MAP3K6: variants seen among roughly 807,000 people sequenced by gnomAD.
MAP3K6 encodes the protein apoptosis signal-regulating kinase 2.
In MAP3K6, 105 loss-of-function variants were observed where a neutral mutation model predicts 147.1. That is an observed-to-expected ratio of 0.71 (90% CI 0.61 to 0.84). The LOEUF (loss-of-function observed/expected upper bound fraction) is 0.84. Among genes scored for constraint, MAP3K6 ranks in the 40% least tolerant of loss-of-function variants. MAP3K6 has a pLI of 0.00. For missense variants in MAP3K6, 1,569 were observed against 1,715.0 expected (o/e 0.91, Z 1.50); for synonymous variants, 695 against 732.4 (o/e 0.95, Z 0.82).
rs778995925 is a variant in MAP3K6, at chr1:27,362,649, C to T, written c.1247G>A (p.Arg416Gln). The T allele has an allele frequency of 9.5e-6, 15 of 1,586,874 alleles. No individual in the cohort carries two copies. The highest frequency in any genetic ancestry group is 1.7e-4 in the Middle Eastern group (1 of 5,878). ...CCAGGATCTGTGCTCACCTATTAGC[C>T]GGAGCTCTTTGGAATCCTCAAAGTG... is the stretch of plus-strand genomic sequence containing the variant. ...GQHFEDSKEL[R>Q]LIGMKLGCLL... Residue 416 changes from arginine to glutamine, a missense_variant, in exon 8 of 29, where the codon CGG becomes CAG. By Grantham distance (43) the Arg-to-Gln change is conservative. Coordinates refer to ENST00000357582, the MANE Select transcript of MAP3K6 (RefSeq NM_004672.5).
At position 27,364,953 on chromosome 1, in the gene MAP3K6, G is replaced by A; in HGVS notation, c.341-41C>T. 6.5e-7 allele frequency: 1 copy of A among 1,539,016 alleles called. No homozygotes were observed. Among genetic ancestry groups the A allele is most frequent in the Non-Finnish European group, 8.8e-7 (1 of 1,139,542 alleles). ...GGGTGGCGCTGATCCCTGAAGCCCA[G>A]CTTGATGGGGAAGGAGCCGGGGTCC... is the stretch of plus-strand genomic sequence containing the variant. On this transcript the variant is annotated intron_variant, in intron 1 of 28. Transcript: ENST00000357582. This position sits in a 1 kb window ranked among gnomAD's most constrained non-coding sequence, Gnocchi z 4.4.
rs1283209574 is a variant in MAP3K6, at chr1:27,360,802, C to A, written c.1957G>T (p.Val653Leu). 5 of 1,612,930 alleles carry A rather than the reference C, an allele frequency of 3.1e-6. No homozygotes were observed. The highest frequency in any genetic ancestry group is 4.2e-6 in the Non-Finnish European group (5 of 1,179,892). ...YEYTETGERLVLGKGTYGVVY... is the reference protein window; with the variant it reads ...YEYTETGERLLLGKGTYGVVY... ...ACCCCATACGTGCCCTTGCCCAGCA[C>A]CAGCCGCTCGCCCGTCTCCGTGTAC... The change falls in exon 15 of 29, where the codon GTG becomes TTG. Residue 653 changes from valine to leucine, a missense_variant. Physicochemically the swap from Val to Leu is conservative, Grantham distance 32. Transcript: ENST00000357582. This position sits in a 1 kb window ranked among gnomAD's most constrained non-coding sequence, Gnocchi z 4.5.
At chr1:27,358,000 C>A in intron 21 of MAP3K6, 124 bp from the exon 22 acceptor site, 3 of 1,469,430 alleles carry the variant, frequency 2.0e-6, no homozygotes, top group Non-Finnish European at 2.7e-6. Flanking sequence ...CATAGATAAA[C>A]CCCGCACTGA....
At position 27,362,184 on chromosome 1, in the gene MAP3K6, A is replaced by T. The variant is rs367598241; in HGVS notation, c.1322T>A (p.Val441Glu). The change falls in exon 9 of 29, where the codon GTG becomes GAG. Residue 441 changes from valine to glutamate, a missense_variant. Val to Glu is a moderately radical substitution (Grantham distance 121, BLOSUM62 -2). Transcript: ENST00000357582. ...CVEKMQYYWD[V>E]GFYLGAQILA... is the part of the protein sequence containing the mutation. The stretch of plus-strand genomic sequence containing the variant: ...GATCTGGGCTCCCAGGTAGAAACCC[A>T]CATCCCAGTAATACTGCATCTTCTC... 12 of 1,613,636 alleles carry T rather than the reference A, an allele frequency of 7.4e-6. No homozygotes were observed. Among genetic ancestry groups the T allele is most frequent in the Non-Finnish European group, 6.8e-6 (8 of 1,179,978 alleles).
In MAP3K6 at chr1:27,358,232, G is replaced by A. The variant is rs1221663787; in HGVS notation, c.2864C>T (p.Pro955Leu). Reference sequence around the variant, plus strand: ...GAGGCAGCGCTTCGGGGGGCTGGGTGGGTGCTGAGAGGGTGCCTGAGGGCA... The same window carrying A: ...GAGGCAGCGCTTCGGGGGGCTGGGTAGGTGCTGAGAGGGTGCCTGAGGGCA... ...FPCPQAPSQH[P>L]PSPPKRCLSY... The change falls in exon 21 of 29, where the codon CCA (proline) becomes CTA (leucine). Residue 955 changes from proline to leucine, a missense_variant. Transcript: ENST00000357582. This position sits in a 1 kb window ranked among gnomAD's most constrained non-coding sequence, Gnocchi z 6.2. 1 of 1,599,444 alleles carries A rather than the reference G, an allele frequency of 6.3e-7. No individual in the cohort carries two copies. The highest frequency in any genetic ancestry group is 1.1e-5 in the South Asian group (1 of 89,088).
Position 27,357,537 on chromosome 1 carries a change from G to T in MAP3K6, c.3121C>A (p.Arg1041Ser). ...LGRNHVEELL[R>S]CLGAHIHTPN... is the part of the protein sequence containing the mutation. ...GTGTGGATGTGTGCCCCGAGGCAGC[G>T]CAGCAGCTCTTCCACATGGTTTCTG... Residue 1041 changes from arginine to serine, a missense_variant, in exon 23 of 29, where the codon CGC becomes AGC. Physicochemically the swap from Arg to Ser is moderately radical, Grantham distance 110 (BLOSUM62 -1). Coordinates refer to ENST00000357582, the MANE Select transcript of MAP3K6 (RefSeq NM_004672.5). 2 of 1,613,104 alleles carry T rather than the reference G, an allele frequency of 1.2e-6. No homozygotes were observed. Among genetic ancestry groups the T allele is most frequent in the Non-Finnish European group, 8.5e-7 (1 of 1,179,724 alleles).
At chr1:27,363,862 G>T in intron 5 of MAP3K6, 55 bp downstream of exon 5, 1 of 1,473,500 alleles carries the variant, frequency 6.8e-7, no homozygotes, top group East Asian at 2.4e-5. Flanking sequence ...ACTGAACTTG[G>T]GTTTGTCTGA....
chr1:27,360,724 T>C lies in MAP3K6; in HGVS notation c.2035A>G (p.Ile679Val). 1 of 1,612,068 alleles carries C rather than the reference T, an allele frequency of 6.2e-7. No individual in the cohort carries two copies. The highest frequency in any genetic ancestry group is 1.3e-5 in the African/African-American group (1 of 74,970). ...HTRVRIAIKE[I>V]PERDSRFSQP... ...CCGCACCTGCTGTCCCGCTCCGGGA[T>C]CTCCTTGATGGCGATGCGCACCCTC... The change falls in exon 15 of 29, where the codon ATC (isoleucine) becomes GTC (valine). Residue 679 changes from isoleucine (I) to valine (V), a missense_variant. Coordinates refer to ENST00000357582, the MANE Select transcript of MAP3K6 (RefSeq NM_004672.5). This position sits in a 1 kb window ranked among gnomAD's most constrained non-coding sequence, Gnocchi z 4.5.
chr1:27,366,628 A>T lies in MAP3K6; in HGVS notation c.-31T>A. 1 of 1,075,626 alleles carries T rather than the reference A, an allele frequency of 9.3e-7. No individual in the cohort carries two copies. Among genetic ancestry groups the T allele is most frequent in the Non-Finnish European group, 1.1e-6 (1 of 888,418 alleles). The allele number at this position is 1,075,626 out of a possible 1,614,324, so 66.6% of individuals were successfully genotyped here. ...GGCGCTCAGGCGCGGGGCGCCGCGC[A>T]CTGGGAACCGGGGGCGGGGCAGGAG... On this transcript the variant is annotated 5_prime_UTR_variant, in exon 1 of 29. Transcript: ENST00000357582. This position sits in a 1 kb window ranked among gnomAD's most constrained non-coding sequence, Gnocchi z 5.5.
Position 27,357,066 on chromosome 1 carries a change from C to G in MAP3K6, c.3307G>C (p.Val1103Leu), listed in dbSNP as rs780394107. 6.2e-7 allele frequency: 1 copy of G among 1,614,098 alleles called. No individual in the cohort carries two copies. Among genetic ancestry groups the G allele is most frequent in the Admixed American group, 1.7e-5 (1 of 60,028 alleles). ...GCACGGCTGAGCAGTGAGTCCAGAA[C>G]GAACATCCAGTGTGGACGGATCTGG... is the stretch of plus-strand genomic sequence containing the variant. Reference protein sequence around the residue: ...KRQIRPHWMFVLDSLLSRAVR... With the variant: ...KRQIRPHWMFLLDSLLSRAVR... Residue 1103 changes from valine (V) to leucine (L), a missense_variant, in exon 24 of 29, where the codon GTT becomes CTT. Coordinates refer to ENST00000357582, the MANE Select transcript of MAP3K6 (RefSeq NM_004672.5).
chr1:27,356,571 C>T lies in MAP3K6; in HGVS notation c.3524+19G>A. On this transcript the variant is annotated intron_variant, in intron 25 of 28. Transcript: ENST00000357582. ...GTTGAAGCCCGGCAGAGGCTATGAG[C>T]GATTCCAAGGGGCTTTACCGATCAG... 1 of 1,611,666 alleles carries T rather than the reference C, an allele frequency of 6.2e-7. No homozygotes were observed. The highest frequency in any genetic ancestry group is 8.5e-7 in the Non-Finnish European group (1 of 1,178,604).
intron 5 of MAP3K6, 64 bp from the exon 6 acceptor site, chr1:27,363,612 G>A (rs1288555745): frequency 3.0e-6 from 4 of 1,334,978 alleles, no homozygotes; most frequent in Non-Finnish European, 4.1e-6. Context: ...CCTTGAGCCA[G>A]GGTCCTGTCC....
At chr1:27,355,511 C>T (rs2015487665) in intron 28 of MAP3K6, 42 bp from the exon 29 acceptor site, 1 of 1,603,512 alleles carries the variant, frequency 6.2e-7, no homozygotes, top group African/African-American at 1.3e-5. Context: ...AGAAGGTGGC[C>T]CTGGACTCTA....
rs1367219743 is a variant in MAP3K6, at chr1:27,364,984, G to A, written c.341-72C>T. 6.7e-7 allele frequency: 1 copy of A among 1,489,578 alleles called. No homozygotes were observed. The highest frequency in any genetic ancestry group is 9.0e-7 in the Non-Finnish European group (1 of 1,108,810). 92.3% of individuals were successfully genotyped at this position (1,489,578 alleles called of 1,614,324 possible). A position where few individuals can be genotyped will look rare whatever the true frequency, so the allele number is the denominator to read the frequency against. On this transcript the variant is annotated intron_variant, in intron 1 of 28. Transcript: ENST00000357582. This position sits in a 1 kb window ranked among gnomAD's most constrained non-coding sequence, Gnocchi z 4.4. The stretch of plus-strand genomic sequence containing the variant: ...TGGGGAAGGAGCCGGGGTCCATCCT[G>A]GCTTGACCTGCCTTGCTGTGGGACT...
chr1:27,358,999 A>C lies in MAP3K6; in HGVS notation c.2426-133T>G. The C allele has an allele frequency of 1.1e-6, 1 of 872,862 alleles. No homozygotes were observed. The highest frequency in any genetic ancestry group is 1.7e-6 in the Non-Finnish European group (1 of 578,042). The allele number at this position is 872,862 out of a possible 1,614,324, so 54.1% of individuals were successfully genotyped here. On this transcript the variant is annotated intron_variant, in intron 18 of 28. Transcript: ENST00000357582. This position sits in a 1 kb window ranked among gnomAD's most constrained non-coding sequence, Gnocchi z 6.2. ...TCATCCAAAATATACCTCAACACCT[A>C]TCCTGGTCATCAAACATCTATCCTG...
In MAP3K6 at chr1:27,356,465, T is replaced by C. The variant is rs2015525688; in HGVS notation, c.3560A>G (p.Tyr1187Cys). ...REILAGKERE[Y>C]QALVQRALQR... ...TAGAGCCCGCTGCACCAGGGCCTGG[T>C]ACTCCCGTTCCTTCCCCGCCAGGAT... is the stretch of plus-strand genomic sequence containing the variant. The change falls in exon 26 of 29, where the codon TAC (tyrosine) becomes TGC (cysteine). Residue 1187 changes from tyrosine (Y) to cysteine (C), a missense_variant. By Grantham distance (194) the Tyr-to-Cys change is radical. Transcript: ENST00000357582. The C allele has an allele frequency of 1.2e-6, 2 of 1,613,830 alleles. No individual in the cohort carries two copies. The highest frequency in any genetic ancestry group is 2.2e-5 in the South Asian group (2 of 91,064).
At position 27,361,544 on chromosome 1, in the gene MAP3K6, C is replaced by T; in HGVS notation, c.1662G>A (p.Leu554=). ...RGTDPVSTVT[L]SLLEPETQDI... is the part of the protein sequence containing the mutation. Reference sequence around the variant, plus strand: ...CCTGGGTCTCAGGCTCCAGCAGGCTCAGGGTCACTGTGCTTACTGGGTCAG... The same window carrying T: ...CCTGGGTCTCAGGCTCCAGCAGGCTTAGGGTCACTGTGCTTACTGGGTCAG... Residue 554 remains leucine, a synonymous_variant, in exon 11 of 29, where the codon CTG becomes CTA. Transcript: ENST00000357582. The T allele has an allele frequency of 3.7e-6, 6 of 1,614,208 alleles. No individual in the cohort carries two copies. The highest frequency in any genetic ancestry group is 5.1e-6 in the Non-Finnish European group (6 of 1,180,036).
Position 27,364,275 on chromosome 1 carries a change from C to T in MAP3K6, c.624G>A (p.Gly208=), listed in dbSNP as rs2015895746. Residue 208 remains glycine (G), a synonymous_variant, in exon 4 of 29, where the codon GGG becomes GGA. Coordinates refer to ENST00000357582, the MANE Select transcript of MAP3K6 (RefSeq NM_004672.5). The surrounding 1 kb of genome is among the most constrained non-coding windows in gnomAD (Gnocchi z 4.4). ...LADGLVQAGV[G]TEALLTPLVG... ...CCAGGGGAGTGAGCAGGGCCTCGGT[C>T]CCCACTCCAGCCTGTACCAGCCCAT... 6.2e-7 allele frequency: 1 copy of T among 1,613,772 alleles called. No homozygotes were observed.
intron 8 of MAP3K6, 105 bp from the exon 9 acceptor site, chr1:27,362,355 G>C (rs114413240): frequency 0.058 from 69,538 of 1,203,890 alleles, 7,785 homozygotes; most frequent in African/African-American, 0.45. Flanking sequence ...TATGAGTATG[G>C]CATTGAGTAT....
Sources: gnomAD v4.1 joint callset for allele counts on GRCh38, gnomAD v4.1.1 for gene constraint, Gnocchi (gnomAD v3.1) non-coding constraint, MANE v1.5 for transcripts, NCBI Gene and HGNC (gene_info 2026-07-23, HGNC 2026-07-21) for gene names.